RBFOX1: variants seen among roughly 807,000 people sequenced by gnomAD.
The protein encoded by RBFOX1 is RNA binding fox-1 homolog 1.
In RBFOX1, 8 loss-of-function variants were observed where a neutral mutation model predicts 57.7. That is an observed-to-expected ratio of 0.14 (90% CI 0.08 to 0.25). The LOEUF is 0.25. RBFOX1 is among the 10% of genes least tolerant of loss of function. The pLI, the probability that RBFOX1 is intolerant of heterozygous loss-of-function variation, is 1.00. For missense variants in RBFOX1, 611 were observed against 548.5 expected (o/e 1.11, Z -1.14); for synonymous variants, 326 against 222.4 (o/e 1.47, Z -4.15).
chr16:7,400,603 A>C (rs573000582), intron 4 of RBFOX1, among the ~76,000 whole-genome samples: 1 of 152,304 alleles, frequency 6.6e-6, no homozygotes, highest in Admixed American at 6.5e-5. Context: ...ATTTGGAAAT[A>C]GGTGGTATTG....
intron 4 of RBFOX1, among the ~76,000 whole-genome samples, chr16:5,884,739 G>T (rs533738613): frequency 2.8e-4 from 43 of 152,204 alleles, no homozygotes; most frequent in African/African-American, 9.6e-4. Context: ...AGTTGTAACA[G>T]GTGGAGGAAT....
At chr16:5,632,864 C>G (rs1035509221) in intron 3 of RBFOX1, among the ~76,000 whole-genome samples, 2 of 151,764 alleles carry the variant, frequency 1.3e-5, no homozygotes, top group South Asian at 4.2e-4. Context: ...GTAACTTTCT[C>G]CACTGTGGCT....
chr16:5,675,023 C>A (rs1434688841), intron 3 of RBFOX1, among the ~76,000 whole-genome samples: 2 of 152,004 alleles, frequency 1.3e-5, no homozygotes, highest in African/African-American at 4.8e-5. Context: ...GTGGTGTATG[C>A]CTGTAGTTCC....
intron 2 of RBFOX1, among the ~76,000 whole-genome samples, chr16:6,426,278 AAG>A (rs963207928): frequency 2.9e-4 from 44 of 152,042 alleles, no homozygotes; most frequent in Non-Finnish European, 4.4e-4. Flanking sequence ...GATGAAGAGA[AAG>A]AGAGAAGGGT....
chr16:7,173,815 C>T (rs968093467), intron 4 of RBFOX1, among the ~76,000 whole-genome samples: 1 of 152,232 alleles, frequency 6.6e-6, no homozygotes, highest in Non-Finnish European at 1.5e-5. Flanking sequence ...ATCCCAATGT[C>T]ATACAACTGT....
chr16:5,941,388 G>A (rs929137959), intron 4 of RBFOX1, among the ~76,000 whole-genome samples: 3 of 151,796 alleles, frequency 2.0e-5, no homozygotes, highest in Admixed American at 1.3e-4. Context: ...TACTTGAGGG[G>A]CTAAGGTGGG....
intron 1 of RBFOX1, among the ~76,000 whole-genome samples, chr16:5,411,050 C>A (rs1434853832): frequency 6.6e-6 from 1 of 152,202 alleles, no homozygotes; most frequent in Non-Finnish European, 1.5e-5. Context: ...TTATCCTCCT[C>A]CATAGTGGGC....
At chr16:5,696,356 C>T (rs1411937859) in intron 3 of RBFOX1, among the ~76,000 whole-genome samples, 1 of 152,168 alleles carries the variant, frequency 6.6e-6, no homozygotes, top group Non-Finnish European at 1.5e-5. Flanking sequence ...TTCATTTTAA[C>T]TTCTGTATAA....
At chr16:5,650,719 C>G (rs2049208136) in intron 3 of RBFOX1, among the ~76,000 whole-genome samples, 1 of 152,138 alleles carries the variant, frequency 6.6e-6, no homozygotes, top group Non-Finnish European at 1.5e-5. Flanking sequence ...CTCTCTCTGT[C>G]TTCCCTTGCC....
At chr16:7,443,815 C>G (rs994983612) in intron 4 of RBFOX1, among the ~76,000 whole-genome samples, 3 of 152,294 alleles carry the variant, frequency 2.0e-5, no homozygotes, top group East Asian at 1.9e-4. Context: ...GAAGTACAGA[C>G]AGATGAACTA....
chr16:6,976,146 A>C (rs560926429), intron 3 of RBFOX1, among the ~76,000 whole-genome samples: 1 of 152,082 alleles, frequency 6.6e-6, no homozygotes, highest in African/African-American at 2.4e-5. Context: ...AAAGAAACAA[A>C]CAAAAAAACT....
chr16:5,483,023 C>A (rs1304213199), intron 2 of RBFOX1, among the ~76,000 whole-genome samples: 1 of 152,192 alleles, frequency 6.6e-6, no homozygotes, highest in Non-Finnish European at 1.5e-5. Flanking sequence ...TGTCATCTAT[C>A]GCAGTCAATA....
chr16:7,398,709 C>G (rs551250310), intron 4 of RBFOX1, among the ~76,000 whole-genome samples: 1 of 152,178 alleles, frequency 6.6e-6, no homozygotes, highest in African/African-American at 2.4e-5. Flanking sequence ...CTTCCGTAGT[C>G]GGGGCATGTG....
At chr16:7,336,972 C>A (rs2096799738) in intron 4 of RBFOX1, among the ~76,000 whole-genome samples, 2 of 152,114 alleles carry the variant, frequency 1.3e-5, no homozygotes, top group Non-Finnish European at 2.9e-5. Flanking sequence ...TTGTCCTAGA[C>A]CCTGCTGAGG....
chr16:7,165,826 G>C (rs992543936), intron 4 of RBFOX1, among the ~76,000 whole-genome samples: 1 of 151,900 alleles, frequency 6.6e-6, no homozygotes, highest in Non-Finnish European at 1.5e-5. Flanking sequence ...CCTTCTGCTA[G>C]ACCAGGAATG....
At chr16:6,829,125 A>G (rs1219101229) in intron 3 of RBFOX1, among the ~76,000 whole-genome samples, 1 of 152,082 alleles carries the variant, frequency 6.6e-6, no homozygotes, top group Non-Finnish European at 1.5e-5. Flanking sequence ...TAGAGTCCCT[A>G]TAGGTAATTG....
intron 3 of RBFOX1, among the ~76,000 whole-genome samples, chr16:6,852,535 A>G (rs1603632435): frequency 6.6e-6 from 1 of 152,212 alleles, no homozygotes; most frequent in Admixed American, 6.5e-5. Context: ...TCAGAAATTA[A>G]CTTTGGCGAG....
chr16:7,325,725 A>T (rs1603622464), intron 4 of RBFOX1, among the ~76,000 whole-genome samples: 1 of 152,228 alleles, frequency 6.6e-6, no homozygotes, highest in African/African-American at 2.4e-5. Context: ...CTATATTCCC[A>T]TCTTGATAAT....
At chr16:7,628,811 C>G (rs2142501572) in intron 10 of RBFOX1, among the ~76,000 whole-genome samples, 1 of 152,242 alleles carries the variant, frequency 6.6e-6, no homozygotes, top group South Asian at 2.1e-4. Context: ...CAGGATTTCA[C>G]CATGTTGGCC....
Sources: gnomAD v4.1 joint callset for allele counts (sites outside exome capture counted in the v4.1 genomes callset) on GRCh38, gnomAD v4.1.1 for gene constraint, MANE v1.5 for transcripts, NCBI Gene and HGNC (gene_info 2026-07-23, HGNC 2026-07-21) for gene names.